Variants in ADARB1 observed in about 807,000 individuals in gnomAD.
The protein encoded by ADARB1 is double-stranded RNA-specific editase 1.
A neutral mutation model predicts 52.4 loss-of-function variants in ADARB1; 10 were observed. That is an observed-to-expected ratio of 0.19 (90% confidence interval 0.12 to 0.32). The LOEUF is 0.32. ADARB1 is among the 10% of genes least tolerant of loss of function. ADARB1 has a pLI of 1.00. For synonymous variants in ADARB1, 349 were observed against 371.1 expected, an observed-to-expected ratio of 0.94 and a Z score of 0.68; for missense variants, 643 against 922.3, an observed-to-expected ratio of 0.70 and a Z score of 3.92.
At chr21:45,110,693 GT>G (rs747066384) in intron 1 of ADARB1, among the ~76,000 whole-genome samples, 4 of 152,122 alleles carry the variant, frequency 2.6e-5, no homozygotes, top group South Asian at 2.1e-4. Context: ...TCTAGTTATA[GT>G]TGCTGTCAGG....
chr21:45,125,715 T>A (rs200526838), intron 1 of ADARB1, among the ~76,000 whole-genome samples: 2 of 152,280 alleles, frequency 1.3e-5, no homozygotes, highest in East Asian at 3.8e-4. Context: ...CTTTTTCTCT[T>A]GTGTTCCCTT....
intron 1 of ADARB1, among the ~76,000 whole-genome samples, chr21:45,080,982 T>G (rs1054023178): frequency 6.6e-6 from 1 of 152,230 alleles, no homozygotes; most frequent in Non-Finnish European, 1.5e-5. Flanking sequence ...TTTTTGTGAT[T>G]ATTTGATTTT....
intron 1 of ADARB1, among the ~76,000 whole-genome samples, chr21:45,097,986 G>A (rs993597432): frequency 2.0e-5 from 3 of 152,118 alleles, no homozygotes; most frequent in Admixed American, 2.0e-4. Flanking sequence ...TCTCCTTACA[G>A]TGAACGTCAC....
chr21:45,220,965 G>A lies in ADARB1; in HGVS notation c.1877G>A (p.Arg626His). Residue 626 changes from arginine to histidine, a missense_variant, in exon 10 of 11, where the codon CGC becomes CAC. By Grantham distance (29) the Arg-to-His change is conservative (BLOSUM62 0). Coordinates refer to ENST00000348831, the MANE Select transcript of ADARB1 (RefSeq NM_001112.4). The surrounding 1 kb of genome is among the most constrained non-coding windows in gnomAD (Gnocchi z 6.3). The part of the protein sequence containing the change: ...TGKDELGRAS[R>H]LCKHALYCRW... The stretch of plus-strand genomic sequence containing the variant: ...AAGGATGAGCTGGGCCGCGCGTCCC[G>A]CCTGTGTAAGCACGCGTTGTACTGT... 6.2e-7 allele frequency: 1 copy of A among 1,613,210 alleles called. No homozygotes were observed. The highest frequency in any genetic ancestry group is 8.5e-7 in the Non-Finnish European group (1 of 1,180,034).
intron 1 of ADARB1, among the ~76,000 whole-genome samples, chr21:45,095,437 GCCCCCTTTTTCTGTTAGCTCTT>G (rs2086717816): frequency 6.6e-6 from 1 of 152,174 alleles, no homozygotes; most frequent in Non-Finnish European, 1.5e-5. Context: ...TTTTTTCTCT[GCCCCCTTTTTCTGTTAGCTCTT>G]CCCCCAGTGG....
intron 1 of ADARB1, among the ~76,000 whole-genome samples, chr21:45,077,666 A>T (rs960116504): frequency 7.1e-6 from 1 of 140,934 alleles, no homozygotes; most frequent in Non-Finnish European, 1.5e-5. Context: ...GACGCCGTCT[A>T]AAAAAAAAAA....
Position 45,204,814 on chromosome 21 carries a change from A to G in ADARB1, c.1747+78A>G. 6.8e-7 allele frequency: 1 copy of G among 1,461,372 alleles called. No homozygotes were observed. The highest frequency in any genetic ancestry group is 1.3e-5 in the South Asian group (1 of 78,606). 90.5% of individuals were successfully genotyped at this position (1,461,372 alleles called of 1,614,324 possible). On this transcript the variant is annotated intron_variant, in intron 9 of 10. Transcript: ENST00000348831. This position sits in a 1 kb window ranked among gnomAD's most constrained non-coding sequence, Gnocchi z 4.4. ...TTTCATCCTCATGAATGAAAAAAACACCACCTGAGCTGCTCTGTGGCTATC... is the reference window on the plus strand; with the variant it reads ...TTTCATCCTCATGAATGAAAAAAACGCCACCTGAGCTGCTCTGTGGCTATC...
Position 45,223,373 on chromosome 21 carries a change from G to A in ADARB1, c.*1176G>A, listed in dbSNP as rs1008734092. ...AGCTCAGGGCTGCCCAGCGCCCAGC[G>A]TGCACGGGACGGCCCCACGACAGAG... On this transcript the variant is annotated 3_prime_UTR_variant, in exon 11 of 11. Transcript: ENST00000348831. 4.9e-5 allele frequency: 48 copies of A among 985,546 alleles called. No individual in the cohort carries two copies. The highest frequency in any genetic ancestry group is 3.3e-4 in the African/African-American group (19 of 57,252). 61.1% of individuals were successfully genotyped at this position (985,546 alleles called of 1,614,324 possible).
chr21:45,186,235 T>C (rs2092101241), intron 8 of ADARB1, among the ~76,000 whole-genome samples: 2 of 152,196 alleles, frequency 1.3e-5, no homozygotes, highest in African/African-American at 2.4e-5. Flanking sequence ...TCAACCTATA[T>C]TTTTGGAGCT....
chr21:45,170,566 A>C (rs1237479015), intron 2 of ADARB1, among the ~76,000 whole-genome samples: 4 of 151,838 alleles, frequency 2.6e-5, no homozygotes, highest in African/African-American at 9.6e-5. Flanking sequence ...ATTTCATGAA[A>C]AACTATATAT....
intron 8 of ADARB1, among the ~76,000 whole-genome samples, chr21:45,194,514 C>G (rs1419587040): frequency 6.7e-6 from 1 of 150,308 alleles, no homozygotes; most frequent in Non-Finnish European, 1.5e-5. Flanking sequence ...GCCTGTTCAC[C>G]CCTCTCACCT....
intron 8 of ADARB1, among the ~76,000 whole-genome samples, chr21:45,191,881 T>TATATATATATATA (rs1491137142): frequency 6.1e-4 from 6 of 9,882 alleles, no homozygotes; most frequent in African/African-American, 1.8e-3. Context: ...TATATATATA[T>TATATATATATATA]TTTTTTTTTT....
chr21:45,161,607 T>C (rs983893909), intron 2 of ADARB1, among the ~76,000 whole-genome samples: 2 of 152,072 alleles, frequency 1.3e-5, no homozygotes, highest in African/African-American at 2.4e-5. Flanking sequence ...GCAGGAACAC[T>C]CTGGATGCCA....
chr21:45,179,909 C>G (rs765852847), intron 4 of ADARB1, among the ~76,000 whole-genome samples: 1 of 151,930 alleles, frequency 6.6e-6, no homozygotes, highest in African/African-American at 2.4e-5. Flanking sequence ...TGAGCCACAC[C>G]GTGTGTGCAT....
At chr21:45,192,146 G>C (rs1345907678) in intron 8 of ADARB1, among the ~76,000 whole-genome samples, 7 of 152,008 alleles carry the variant, frequency 4.6e-5, no homozygotes, top group Non-Finnish European at 8.8e-5. Flanking sequence ...AGAGAATAGA[G>C]TAGTGGTAGT....
chr21:45,183,585 T>C (rs979457708), intron 7 of ADARB1, 75 bp downstream of exon 7: 46 of 1,502,782 alleles, frequency 3.1e-5, no homozygotes, highest in Middle Eastern at 3.4e-4. Context: ...TGTGTTAATA[T>C]CCCTTTTCCT....
chr21:45,163,233 G>A (rs1277769434), intron 2 of ADARB1, among the ~76,000 whole-genome samples: 2 of 152,206 alleles, frequency 1.3e-5, no homozygotes, highest in Admixed American at 6.5e-5. Context: ...AGGTCAGTTC[G>A]TATACAGTCA....
rs376636100 is a variant in ADARB1, at chr21:45,200,166, T to G, written c.1566-4389T>G. Among the ~76,000 whole-genome samples, 7 of 152,232 alleles carry G rather than the reference T, an allele frequency of 4.6e-5. No individual in the cohort carries two copies. Among genetic ancestry groups the G allele is most frequent in the African/African-American group, 1.7e-4 (7 of 41,534 alleles). The stretch of plus-strand genomic sequence containing the variant: ...TGGATGGGGCTGGGTGAGGCTGAAC[T>G]GTTCCCCTTACACAGGACACAGTGA... On this transcript the variant is annotated intron_variant, in intron 8 of 10. Coordinates refer to ENST00000348831, the MANE Select transcript of ADARB1 (RefSeq NM_001112.4). This position sits in a 1 kb window ranked among gnomAD's most constrained non-coding sequence, Gnocchi z 5.0.
At chr21:45,163,447 C>A (rs1366360063) in intron 2 of ADARB1, among the ~76,000 whole-genome samples, 1 of 152,156 alleles carries the variant, frequency 6.6e-6, no homozygotes, top group Admixed American at 6.5e-5. Context: ...GAGCTCAGGG[C>A]CTGGTGGGAA....
Sources: gnomAD v4.1 joint callset for allele counts (sites outside exome capture counted in the v4.1 genomes callset) on GRCh38, gnomAD v4.1.1 for gene constraint, Gnocchi (gnomAD v3.1) non-coding constraint, MANE v1.5 for transcripts, NCBI Gene and HGNC (gene_info 2026-07-23, HGNC 2026-07-21) for gene names.